SUPT3H: variants seen among roughly 807,000 people sequenced by gnomAD.
The protein encoded by SUPT3H is SPT3 homolog, SAGA and STAGA complex component.
SUPT3H carries 44 observed loss-of-function variants against 44.3 expected under a neutral mutation model. That is an observed-to-expected ratio of 0.99 (90% CI 0.78 to 1.28). The LOEUF (loss-of-function observed/expected upper bound fraction) is 1.28, where lower values mean the gene tolerates loss of function less well. Ranked by LOEUF, SUPT3H falls within the 50% of genes most tolerant of loss-of-function variation. SUPT3H has a pLI of 0.00. For missense variants in SUPT3H, 380 were observed against 387.1 expected (o/e 0.98, Z 0.15); for synonymous variants, 124 against 125.6 (o/e 0.99, Z 0.09).
At chr6:45,280,398 C>A (rs545448504) in intron 2 of SUPT3H, among the ~76,000 whole-genome samples, 4 of 152,014 alleles carry the variant, frequency 2.6e-5, no homozygotes, top group African/African-American at 4.8e-5. Context: ...CCCAGCTACT[C>A]GGGGGGCTGA....
At position 45,028,734 on chromosome 6, in the gene SUPT3H, T is replaced by C. The variant is rs184223680; in HGVS notation, c.187-8102A>G. 1.8e-4 allele frequency among the ~76,000 whole-genome samples: 28 copies of C among 152,046 alleles called. No homozygotes were observed. In the East Asian group the frequency reaches 5.4e-3, roughly 29 times the overall value. ...CACAAAACTATTACTAAGTAATACATGTTTAACATTAAGCCATTCATGTTT... is the reference window on the plus strand; with the variant it reads ...CACAAAACTATTACTAAGTAATACACGTTTAACATTAAGCCATTCATGTTT... On this transcript the variant is annotated intron_variant, in intron 3 of 10. Transcript: ENST00000371459.
chr6:44,891,035 G>A (rs559535454), intron 10 of SUPT3H, among the ~76,000 whole-genome samples: 16 of 152,092 alleles, frequency 1.1e-4, no homozygotes, highest in South Asian at 6.2e-4. Flanking sequence ...TGTAGATGAC[G>A]GGTTGATGGG....
chr6:45,172,812 G>A (rs940186448), intron 2 of SUPT3H, among the ~76,000 whole-genome samples: 3 of 151,814 alleles, frequency 2.0e-5, no homozygotes, highest in Admixed American at 1.3e-4. Context: ...GGCTGGTCTC[G>A]AACTCCTGAC....
intron 2 of SUPT3H, among the ~76,000 whole-genome samples, chr6:45,216,179 A>AGGAAGTAAAAGGATGGTAACTACCATCT (rs769547366): frequency 2.9e-4 from 37 of 126,486 alleles, no homozygotes; most frequent in Non-Finnish European, 4.6e-4. Context: ...GAAATGCTTA[A>AGGAAGTAAAAGGATGGTAACTACCATCT]GGAAGTAAAA....
intron 10 of SUPT3H, among the ~76,000 whole-genome samples, chr6:44,916,162 T>A (rs1207724665): frequency 6.6e-6 from 1 of 152,234 alleles, no homozygotes; most frequent in Admixed American, 6.5e-5. Flanking sequence ...TAGGAATCAG[T>A]AAAAGCAGAA....
chr6:45,035,309 T>G (rs557148926), intron 3 of SUPT3H, among the ~76,000 whole-genome samples: 56 of 152,306 alleles, frequency 3.7e-4, no homozygotes, highest in Non-Finnish European at 6.8e-4. Flanking sequence ...TTAATATGGA[T>G]GTAATGATAC....
chr6:45,062,618 C>T (rs955508825), intron 3 of SUPT3H, among the ~76,000 whole-genome samples: 3 of 152,162 alleles, frequency 2.0e-5, no homozygotes, highest in Admixed American at 6.5e-5. Context: ...CATGCGCAAG[C>T]CGAAGCAGGG....
intron 2 of SUPT3H, among the ~76,000 whole-genome samples, chr6:45,329,910 T>C (rs899859175): frequency 1.8e-4 from 27 of 151,928 alleles, no homozygotes; most frequent in Admixed American, 5.9e-4. Context: ...TCCATTAAAA[T>C]AAACCTTCTT....
intron 2 of SUPT3H, among the ~76,000 whole-genome samples, chr6:45,209,581 T>C (rs145363950): frequency 1.1e-3 from 169 of 152,334 alleles, no homozygotes; most frequent in African/African-American, 3.7e-3. Flanking sequence ...CTTGAAGCAA[T>C]GAGGAGTTGC....
chr6:44,958,261 T>C (rs1239169693), intron 7 of SUPT3H, among the ~76,000 whole-genome samples: 1 of 152,208 alleles, frequency 6.6e-6, no homozygotes, highest in African/African-American at 2.4e-5. Context: ...TCACATACTT[T>C]TTATCTTTCT....
intron 2 of SUPT3H, chr6:45,328,465 G>A (rs1786783474): frequency 6.8e-7 from 1 of 1,477,264 alleles, no homozygotes; most frequent in Non-Finnish European, 9.1e-7. Flanking sequence ...GAGTCAGTGA[G>A]TGCTCTCTAA....
At chr6:45,204,211 C>A (rs1003778741) in intron 2 of SUPT3H, among the ~76,000 whole-genome samples, 3 of 131,578 alleles carry the variant, frequency 2.3e-5, no homozygotes, top group Admixed American at 7.9e-5. Context: ...TGAGCCACTG[C>A]ATTCCAGTCT....
chr6:45,347,053 AT>A (rs1791031449), intron 2 of SUPT3H, among the ~76,000 whole-genome samples: 1 of 152,198 alleles, frequency 6.6e-6, no homozygotes, highest in African/African-American at 2.4e-5. Flanking sequence ...GGTACTTTAT[AT>A]AATTAAAAAT....
chr6:45,101,936 T>C (rs9381364), intron 3 of SUPT3H, among the ~76,000 whole-genome samples: 79,834 of 151,898 alleles, frequency 0.53, 21,105 homozygotes, highest in East Asian at 0.71. Context: ...AGAGAAGTCT[T>C]TTCCTTCTTT....
At chr6:45,276,544 A>T (rs1398230749) in intron 2 of SUPT3H, among the ~76,000 whole-genome samples, 1 of 152,058 alleles carries the variant, frequency 6.6e-6, no homozygotes, top group Non-Finnish European at 1.5e-5. Flanking sequence ...AATTCTTTTC[A>T]TTTAAAGAGT....
At chr6:45,280,074 C>T (rs1307186708) in intron 2 of SUPT3H, among the ~76,000 whole-genome samples, 1 of 152,116 alleles carries the variant, frequency 6.6e-6, no homozygotes, top group Non-Finnish European at 1.5e-5. Context: ...TTAAATATAT[C>T]GAGAATCTAA....
intron 2 of SUPT3H, among the ~76,000 whole-genome samples, chr6:45,167,063 A>C (rs151130898): frequency 4.3e-4 from 66 of 152,358 alleles, no homozygotes; most frequent in Middle Eastern, 3.4e-3. Context: ...TTTTTTAATA[A>C]AAAGCCTTAA....
At chr6:44,950,300 A>AT (rs1774080323) in intron 9 of SUPT3H, among the ~76,000 whole-genome samples, 2 of 152,204 alleles carry the variant, frequency 1.3e-5, no homozygotes, top group African/African-American at 4.8e-5. Context: ...ATACTAAAAA[A>AT]ATTCCTTATC....
At chr6:44,985,782 C>T (rs1779709630) in intron 6 of SUPT3H, among the ~76,000 whole-genome samples, 1 of 152,110 alleles carries the variant, frequency 6.6e-6, no homozygotes. Flanking sequence ...TTAATATTCC[C>T]TACTCTTTAA....
Sources: allele counts gnomAD v4.1 joint callset (sites outside exome capture counted in the v4.1 genomes callset), GRCh38; gene constraint gnomAD v4.1.1; transcripts MANE v1.5; gene names NCBI Gene and HGNC (gene_info 2026-07-23, HGNC 2026-07-21).